CMIP: variants seen among roughly 807,000 people sequenced by gnomAD.
CMIP encodes c-Maf inducing protein, also known as C-Maf-inducing protein.
Under a neutral mutation model 97.3 loss-of-function variants are expected in CMIP, and 13 were observed. That is an observed-to-expected ratio of 0.13 (90% confidence interval 0.09 to 0.21). The LOEUF is 0.21. CMIP is among the 10% of genes least tolerant of loss of function. The pLI, the probability that CMIP is intolerant of heterozygous loss-of-function variation, is 1.00. For missense variants in CMIP, 847 were observed against 1,024.9 expected, an observed-to-expected ratio of 0.83 and a Z score of 2.37; for synonymous variants, 538 against 436.3, an observed-to-expected ratio of 1.23 and a Z score of -2.91.
chr16:81,540,060 A>G (rs553853885), intron 1 of CMIP, among the ~76,000 whole-genome samples: 1 of 152,300 alleles, frequency 6.6e-6, no homozygotes, highest in East Asian at 1.9e-4. Flanking sequence ...TTTGCACAGT[A>G]ATCTCAGCCA....
At chr16:81,629,207 C>G (rs989714418) in intron 3 of CMIP, among the ~76,000 whole-genome samples, 6 of 144,028 alleles carry the variant, frequency 4.2e-5, no homozygotes, top group Non-Finnish European at 9.1e-5. Context: ...GCCCCTGTTT[C>G]TCACGCAGAA....
At chr16:81,647,604 C>T (rs2092378206) in intron 3 of CMIP, among the ~76,000 whole-genome samples, 1 of 152,124 alleles carries the variant, frequency 6.6e-6, no homozygotes, top group Admixed American at 6.5e-5. Context: ...AGGCCACCCA[C>T]CCCACCTGGC....
chr16:81,508,749 C>G (rs1464070238), intron 1 of CMIP, among the ~76,000 whole-genome samples: 1 of 152,236 alleles, frequency 6.6e-6, no homozygotes, highest in African/African-American at 2.4e-5. Context: ...CAGGACAGCT[C>G]CTGCAGGCCT....
chr16:81,691,943 G>T, intron 11 of CMIP, 103 bp downstream of exon 11: 4 of 1,023,334 alleles, frequency 3.9e-6, no homozygotes, highest in Non-Finnish European at 6.1e-6. Flanking sequence ...GGGAAGCGAA[G>T]TCACAGCGGG....
intron 10 of CMIP, among the ~76,000 whole-genome samples, chr16:81,680,721 G>A (rs931072898): frequency 2.6e-5 from 4 of 152,324 alleles, no homozygotes; most frequent in Non-Finnish European, 4.4e-5. Context: ...CTCTCCCAGC[G>A]GCAGCCGGGT....
chr16:81,488,424 A>G (rs1019968399), intron 1 of CMIP, among the ~76,000 whole-genome samples: 2 of 152,198 alleles, frequency 1.3e-5, no homozygotes, highest in Non-Finnish European at 2.9e-5. Context: ...AGTAATACGT[A>G]TGAAGTGCTT....
intron 1 of CMIP, among the ~76,000 whole-genome samples, chr16:81,581,342 A>C (rs1028018467): frequency 6.6e-6 from 1 of 152,146 alleles, no homozygotes; most frequent in African/African-American, 2.4e-5. Context: ...GAGTGTGCTC[A>C]CAGAAGCCTC....
intron 10 of CMIP, among the ~76,000 whole-genome samples, chr16:81,683,852 C>T (rs1200442815): frequency 1.4e-5 from 2 of 148,038 alleles, no homozygotes; most frequent in African/African-American, 2.5e-5. Context: ...ACCTCTGCCT[C>T]GCGGGTTCAA....
intron 1 of CMIP, among the ~76,000 whole-genome samples, chr16:81,447,808 T>G (rs547801057): frequency 6.6e-6 from 1 of 152,328 alleles, no homozygotes; most frequent in South Asian, 2.1e-4. Flanking sequence ...CCTGTGAGCC[T>G]GGAGGTGGGG....
intron 2 of CMIP, chr16:81,620,664 C>A (rs2073603462): frequency 3.6e-6 from 2 of 558,812 alleles, no homozygotes; most frequent in Non-Finnish European, 6.4e-6. Flanking sequence ...CTAGTGATGT[C>A]TTGTTTTTAG....
chr16:81,467,636 A>T (rs141819246), intron 1 of CMIP, among the ~76,000 whole-genome samples: 2,330 of 146,164 alleles, frequency 0.016, 49 homozygotes, highest in African/African-American at 0.056. Flanking sequence ...GCTGGAGTGC[A>T]GTGGCATGAT....
At chr16:81,586,460 G>A (rs892561583) in intron 1 of CMIP, among the ~76,000 whole-genome samples, 13 of 152,064 alleles carry the variant, frequency 8.5e-5, no homozygotes, top group African/African-American at 3.1e-4. Flanking sequence ...TCTTCACAAG[G>A]CCTGTTCACA....
chr16:81,471,599 A>G (rs1188147960), intron 1 of CMIP, among the ~76,000 whole-genome samples: 1 of 152,174 alleles, frequency 6.6e-6, no homozygotes, highest in Non-Finnish European at 1.5e-5. Flanking sequence ...ACACAGTTAT[A>G]CAGTAGTCCA....
At chr16:81,600,508 T>C (rs2091640476) in intron 1 of CMIP, among the ~76,000 whole-genome samples, 1 of 152,176 alleles carries the variant, frequency 6.6e-6, no homozygotes, top group African/African-American at 2.4e-5. Context: ...AAGTATGTGA[T>C]GTCATTTATG....
At chr16:81,681,164 G>C (rs1242085644) in intron 10 of CMIP, among the ~76,000 whole-genome samples, 2 of 152,172 alleles carry the variant, frequency 1.3e-5, no homozygotes, top group Non-Finnish European at 2.9e-5. Context: ...TCCACAAAAT[G>C]GGATTATGCT....
intron 1 of CMIP, among the ~76,000 whole-genome samples, chr16:81,587,362 G>A (rs1207014402): frequency 6.6e-6 from 1 of 152,202 alleles, no homozygotes. Context: ...TTGAAAGGTG[G>A]AGTGCTGTGG....
chr16:81,684,083 C>T lies in CMIP; in HGVS notation c.1388+5455C>T, dbSNP rs188174126. Among the ~76,000 whole-genome samples the T allele has an allele frequency of 7.9e-5, 12 of 152,308 alleles. No individual in the cohort carries two copies. In the South Asian group the frequency reaches 1.9e-3, roughly 24 times the overall value. On this transcript the variant is annotated intron_variant, in intron 10 of 20. Coordinates refer to ENST00000537098, the MANE Select transcript of CMIP (RefSeq NM_198390.3). The stretch of plus-strand genomic sequence containing the variant: ...GCCTGTTTGGAAACTTTAAACTGCT[C>T]ATTCCTGGAGCACATGATAACTCTA...
rs527752009 is a variant in CMIP, at chr16:81,453,003, G to A, written c.300+7462G>A. 1.5e-4 allele frequency among the ~76,000 whole-genome samples: 23 copies of A among 148,978 alleles called. No individual in the cohort carries two copies. Among genetic ancestry groups the A allele is most frequent in the Non-Finnish European group, 3.1e-4 (21 of 67,626 alleles). ...CAAAGCCCAGCAGAACTTTGAAAAC[G>A]CAACTCCCTTTGTCCATAACTACAC... On this transcript the variant is annotated intron_variant, in intron 1 of 20. Coordinates refer to ENST00000537098, the MANE Select transcript of CMIP (RefSeq NM_198390.3). The surrounding 1 kb of genome is among the most constrained non-coding windows in gnomAD (Gnocchi z 4.0).
intron 1 of CMIP, among the ~76,000 whole-genome samples, chr16:81,480,976 A>G (rs1454396429): frequency 6.6e-6 from 1 of 152,166 alleles, no homozygotes; most frequent in Admixed American, 6.5e-5. Flanking sequence ...TGGCTTTGAC[A>G]TCGGTGAGAG....
Sources: allele counts gnomAD v4.1 joint callset (sites outside exome capture counted in the v4.1 genomes callset), GRCh38; gene constraint gnomAD v4.1.1; non-coding constraint Gnocchi (gnomAD v3.1); transcripts MANE v1.5; gene names NCBI Gene and HGNC (gene_info 2026-07-23, HGNC 2026-07-21).